Variants in TTC31 observed in about 807,000 individuals in gnomAD.
The protein encoded by TTC31 is tetratricopeptide repeat domain 31, also known as tetratricopeptide repeat protein 31.
TTC31 carries 59 observed loss-of-function variants against 60.4 expected under a neutral mutation model. The observed-to-expected ratio is 0.98, with a 90% CI of 0.79 to 1.21. TTC31 has a LOEUF of 1.21. Ranked by LOEUF, TTC31 falls within the 50% of genes most tolerant of loss-of-function variation. TTC31 has a pLI of 0.00. For missense variants in TTC31, 672 were observed against 646.9 expected (o/e 1.04, Z -0.42); for synonymous variants, 225 against 249.6 (o/e 0.90, Z 0.93).
chr2:74,491,092 G>T lies in TTC31; in HGVS notation c.547-36G>T, dbSNP rs139973935. 346 of 1,613,868 alleles carry T rather than the reference G, an allele frequency of 2.1e-4. 2 individuals are homozygous for T. The East Asian group carries it at 7.6e-3, about 36-fold the overall frequency. ...GCCCAGCACACGACATACAGTAAGT[G>T]TTCAAAATACATCATTGTTACCATT... On this transcript the variant is annotated intron_variant, in intron 5 of 12. Transcript: ENST00000233623.
rs375027483 is a variant in TTC31 at position 74,491,659 on chromosome 2, G to A, written c.863G>A (p.Ser288Asn). 1 of 1,614,130 alleles carries A rather than the reference G, an allele frequency of 6.2e-7. No individual in the cohort carries two copies. Among genetic ancestry groups the A allele is most frequent in the South Asian group, 1.1e-5 (1 of 91,086 alleles). Residue 288 changes from serine to asparagine, a missense_variant, in exon 8 of 13, where the codon AGT becomes AAT. Coordinates refer to ENST00000233623, the MANE Select transcript of TTC31 (RefSeq NM_022492.6). Reference sequence around the variant, plus strand: ...CCAAGAGAGGAGAGGCCCCAGCAGAGTCCAAAGGTACAGGTGAGGTGGCTG... The same window carrying A: ...CCAAGAGAGGAGAGGCCCCAGCAGAATCCAAAGGTACAGGTGAGGTGGCTG... ...SPPREERPQQ[S>N]PKVQASPGLL...
In TTC31 at chr2:74,492,343, T is replaced by C; in HGVS notation, c.1059T>C (p.Gly353=). ...GNRSFCHERL[G]QPAWALADAQ... ...GTTCCTTCTGCCATGAGCGGTTGGG[T>C]CAGCCAGCGTGGGCCCTGGCTGATG... Residue 353 remains glycine, a synonymous_variant, in exon 11 of 13, where the codon GGT becomes GGC. Coordinates refer to ENST00000233623, the MANE Select transcript of TTC31 (RefSeq NM_022492.6). 1.9e-6 allele frequency: 3 copies of C among 1,570,598 alleles called. No homozygotes were observed. The highest frequency in any genetic ancestry group is 2.6e-6 in the Non-Finnish European group (3 of 1,154,682).
Position 74,493,015 on chromosome 2 carries a change from TCC to T in TTC31, c.1359_1360del (p.Leu454GlnfsTer37). 1 of 1,614,088 alleles carries T rather than the reference TCC, an allele frequency of 6.2e-7. No homozygotes were observed. The highest frequency in any genetic ancestry group is 8.5e-7 in the Non-Finnish European group (1 of 1,179,996). On this transcript the variant is annotated frameshift_variant, in exon 13 of 13. Transcript: ENST00000233623. LOFTEE classifies it low-confidence loss of function (END_TRUNC). Reference protein sequence around the residue: ...HAELAPSGLPSLRCPRSTALR... With the variant: ...HAELAPSGLPXLRCPRSTALR... ...TGAGCTGGCACCCTCAGGCCTACCT[TCC>T]CTCAGGTGCCCTCGAAGCACTGCTT...
rs372955265 is a variant in TTC31 at position 74,491,183 on chromosome 2, A to G, written c.602A>G (p.Lys201Arg). Reference sequence around the variant, plus strand: ...TTGGAGCAGTACTGTGGGGAGCCCAAGGTGAGTATCTAGGGCAGGTACTAA... The same window carrying G: ...TTGGAGCAGTACTGTGGGGAGCCCAGGGTGAGTATCTAGGGCAGGTACTAA... ...ERLEQYCGEP[K>R]ASTTSDGDES... Residue 201 changes from lysine (K) to arginine (R), a missense_variant and splice_region_variant, in exon 6 of 13, where the codon AAG becomes AGG. Lys to Arg is a conservative substitution (Grantham distance 26, BLOSUM62 2). Coordinates refer to ENST00000233623, the MANE Select transcript of TTC31 (RefSeq NM_022492.6). 1.3e-5 allele frequency: 21 copies of G among 1,614,126 alleles called. No individual in the cohort carries two copies. Among genetic ancestry groups the G allele is most frequent in the Non-Finnish European group, 1.7e-5 (20 of 1,179,988 alleles).
intron 2 of TTC31, among the ~76,000 whole-genome samples, chr2:74,486,662 G>A (rs1673141059): frequency 1.3e-5 from 2 of 152,184 alleles, no homozygotes; most frequent in African/African-American, 4.8e-5. Flanking sequence ...GGAGGCTGAG[G>A]CACATGGATC....
chr2:74,486,927 C>G (rs1673182883), intron 2 of TTC31, among the ~76,000 whole-genome samples: 1 of 151,838 alleles, frequency 6.6e-6, no homozygotes, highest in African/African-American at 2.4e-5. Context: ...CAGAGAAGGC[C>G]TCTCTGAGAA....
intron 2 of TTC31, among the ~76,000 whole-genome samples, chr2:74,487,742 G>T (rs1181894692): frequency 3.3e-5 from 5 of 151,836 alleles, no homozygotes. Flanking sequence ...GTGCAGTGGT[G>T]TGATCTTGGC....
Position 74,490,319 on chromosome 2 carries a change from TG to T in TTC31, c.311del (p.Gly104AlafsTer48), listed in dbSNP as rs1673693538. The stretch of plus-strand genomic sequence containing the variant: ...GACAGGGGCAAGGGGGCTGAGGGAC[TG>T]GGCACCTACTGTGGTCTCCGCAAGT... The part of the protein sequence containing the change: ...QSDRGKGAEG[L>X]GTYCGLRKSF... On this transcript the variant is annotated frameshift_variant, in exon 4 of 13. Coordinates refer to ENST00000233623, the MANE Select transcript of TTC31 (RefSeq NM_022492.6). LOFTEE classifies it high-confidence loss of function. The T allele has an allele frequency of 6.2e-7, 1 of 1,614,040 alleles. No individual in the cohort carries two copies. Among genetic ancestry groups the T allele is most frequent in the Admixed American group, 1.7e-5 (1 of 60,004 alleles).
At chr2:74,483,572 G>A (rs1199594037) in intron 2 of TTC31, 162 bp downstream of exon 2, 1 of 1,496,648 alleles carries the variant, frequency 6.7e-7, no homozygotes, top group Admixed American at 2.1e-5. Flanking sequence ...AGGCAAGTGA[G>A]GGGCAGGGGA....
rs776404320 is a variant in TTC31, at chr2:74,490,664, T to G, written c.471T>G (p.Asn157Lys). 1 of 1,594,862 alleles carries G rather than the reference T, an allele frequency of 6.3e-7. No homozygotes were observed. The highest frequency in any genetic ancestry group is 8.6e-7 in the Non-Finnish European group (1 of 1,169,544). ...TGCCCTTCGTCCTTCAGGAAGCCAA[T>G]CGCCTGGCTGAGGAGCTGGTGGCTG... The part of the protein sequence containing the change: ...QKLLVTEEEA[N>K]RLAEELVAEE... Residue 157 changes from asparagine (N) to lysine (K), a missense_variant, in exon 5 of 13, where the codon AAT becomes AAG. Asn to Lys is a moderately conservative substitution (Grantham distance 94). Transcript: ENST00000233623.
chr2:74,483,085 C>G lies in TTC31; in HGVS notation c.-11C>G, dbSNP rs547728064. ...TAGACTACCTTTCATTTCCGGGTCA[C>G]TGTAGATGCGATGGCGCCGATTCCA... On this transcript the variant is annotated 5_prime_UTR_variant, in exon 1 of 13. Transcript: ENST00000233623. The G allele has an allele frequency of 1.7e-5, 28 of 1,614,220 alleles. No homozygotes were observed. In the East Asian group the frequency reaches 5.8e-4, roughly 33 times the overall value.
chr2:74,493,658 C>T lies in TTC31; in HGVS notation c.*440C>T. ...TCAGCTTGATGGATGCTCACCTCTT[C>T]TCAGCCCCAGCTCGTGCCCTGTTTT... On this transcript the variant is annotated 3_prime_UTR_variant, in exon 13 of 13. Transcript: ENST00000233623. The T allele has an allele frequency of 6.2e-6, 1 of 161,946 alleles. No homozygotes were observed. Among genetic ancestry groups the T allele is most frequent in the Admixed American group, 6.1e-5 (1 of 16,460 alleles). 10.0% of individuals were successfully genotyped at this position (161,946 alleles called of 1,614,324 possible).
At chr2:74,487,195 GGTA>G (rs1163007013) in intron 2 of TTC31, among the ~76,000 whole-genome samples, 1 of 152,212 alleles carries the variant, frequency 6.6e-6, no homozygotes, top group African/African-American at 2.4e-5. Flanking sequence ...TTTGGGGACA[GGTA>G]GTAGAAGGTC....
At position 74,493,551 on chromosome 2, in the gene TTC31, G is replaced by A. The variant is rs1246129380; in HGVS notation, c.*333G>A. ...GCATCTGGGCCTTTCTCTTCCTCTT[G>A]GTCCAGGGGACCTCATTCACCAACT... On this transcript the variant is annotated 3_prime_UTR_variant, in exon 13 of 13. Transcript: ENST00000233623. The A allele has an allele frequency of 4.4e-6, 1 of 226,602 alleles. No homozygotes were observed. Among genetic ancestry groups the A allele is most frequent in the East Asian group, 1.1e-4 (1 of 9,490 alleles). The allele number at this position is 226,602 out of a possible 1,614,324, so 14.0% of individuals were successfully genotyped here.
At position 74,493,113 on chromosome 2, in the gene TTC31, C is replaced by T. The variant is rs772658011; in HGVS notation, c.1455C>T (p.Leu485=). ...SCHRSHPNQP[L]SQTQSRRPHP... ...ACCGAAGCCACCCCAACCAGCCCCT[C>T]TCCCAGACTCAGAGTAGAAGGCCCC... Residue 485 remains leucine, a synonymous_variant, in exon 13 of 13, where the codon CTC becomes CTT. Transcript: ENST00000233623. 2.2e-5 allele frequency: 35 copies of T among 1,614,174 alleles called. No homozygotes were observed. The highest frequency in any genetic ancestry group is 3.0e-5 in the Non-Finnish European group (35 of 1,180,018).
At chr2:74,483,199 C>T (rs1262419410) in intron 1 of TTC31, 64 bp downstream of exon 1, 1 of 1,613,652 alleles carries the variant, frequency 6.2e-7, no homozygotes, top group East Asian at 2.2e-5. Context: ...TTGGGTCCAC[C>T]TGTGGTCTGA....
Position 74,483,366 on chromosome 2 carries a change from C to G in TTC31, c.85C>G (p.Pro29Ala), listed in dbSNP as rs1672671301. 1.9e-6 allele frequency: 3 copies of G among 1,614,184 alleles called. No homozygotes were observed. The South Asian group carries it at 3.3e-5, about 18-fold the overall frequency. Residue 29 changes from proline (P) to alanine (A), a missense_variant, in exon 2 of 13, where the codon CCC becomes GCC. Physicochemically the swap from Pro to Ala is conservative, Grantham distance 27 (BLOSUM62 -1). Coordinates refer to ENST00000233623, the MANE Select transcript of TTC31 (RefSeq NM_022492.6). ...CTGCCCACTGGAGGTCGCTGCTGCA[C>G]CCAAACTTTGCAAGGAATTCGGTCC... is the stretch of plus-strand genomic sequence containing the variant. The part of the protein sequence containing the change: ...PSCPLEVAAA[P>A]KLCKEFGPED...
At chr2:74,490,179 G>T in intron 3 of TTC31, 52 bp downstream of exon 3, 2 of 1,611,032 alleles carry the variant, frequency 1.2e-6, no homozygotes, top group Non-Finnish European at 1.7e-6. Flanking sequence ...CCCTGGGAGG[G>T]CTGACCCTCA....
rs369940335 is a variant in TTC31 at position 74,488,120 on chromosome 2, G to A, written c.130-1905G>A. ...CTCCCGAGTAGCTGGGACTATAGGC[G>A]TCCGCACCACACCTGGCTCATTATT... On this transcript the variant is annotated intron_variant, in intron 2 of 12. Transcript: ENST00000233623. Among the ~76,000 whole-genome samples, 373 of 152,242 alleles carry A rather than the reference G, an allele frequency of 2.5e-3. 2 individuals are homozygous for A. Among genetic ancestry groups the A allele is most frequent in the Middle Eastern group, 6.8e-3 (2 of 294 alleles).
Sources: gnomAD v4.1 joint callset for allele counts (sites outside exome capture counted in the v4.1 genomes callset) on GRCh38, gnomAD v4.1.1 for gene constraint, MANE v1.5 for transcripts, NCBI Gene and HGNC (gene_info 2026-07-23, HGNC 2026-07-21) for gene names.